Variants in ATP9A observed in about 807,000 individuals in gnomAD.
The protein encoded by ATP9A is ATPase phospholipid transporting 9A.
Under a neutral mutation model 144.1 loss-of-function variants are expected in ATP9A, and 52 were observed. The ratio of observed to expected loss-of-function variants is 0.36; its 90% CI spans 0.29 to 0.45. The LOEUF is 0.45. Ranked by LOEUF, ATP9A falls within the 20% of genes least tolerant of loss-of-function variation. ATP9A has a pLI of 1.00. For synonymous variants in ATP9A, 582 were observed against 557.4 expected, an observed-to-expected ratio of 1.04 and a Z score of -0.62; for missense variants, 947 against 1,392.7, an observed-to-expected ratio of 0.68 and a Z score of 5.09.
chr20:51,643,554 C>T (rs956747857), intron 14 of ATP9A, among the ~76,000 whole-genome samples: 1 of 152,092 alleles, frequency 6.6e-6, no homozygotes. Flanking sequence ...GCTCCTTCTG[C>T]TGCGAGAGAC....
At chr20:51,675,007 T>G (rs1420769935) in intron 10 of ATP9A, among the ~76,000 whole-genome samples, 3 of 152,146 alleles carry the variant, frequency 2.0e-5, no homozygotes, top group Non-Finnish European at 4.4e-5. Flanking sequence ...AGACGGAGTT[T>G]CGCCATGTTG....
chr20:51,604,158 A>T (rs538976649), intron 27 of ATP9A, among the ~76,000 whole-genome samples: 1 of 150,850 alleles, frequency 6.6e-6, no homozygotes, highest in African/African-American at 2.4e-5. Flanking sequence ...CTTTGATCAC[A>T]TCTGATATTC....
chr20:51,632,841 A>G (rs2077274985), intron 15 of ATP9A, among the ~76,000 whole-genome samples: 1 of 152,182 alleles, frequency 6.6e-6, no homozygotes. Context: ...CCAAGAAAAA[A>G]GCGAGGCGCA....
chr20:51,624,030 G>A (rs922807343), intron 18 of ATP9A, among the ~76,000 whole-genome samples: 1 of 152,144 alleles, frequency 6.6e-6, no homozygotes, highest in Admixed American at 6.6e-5. Context: ...GCAGAAAATG[G>A]AAACTCCAGA....
chr20:51,716,717 TTAAAA>T (rs978596601), intron 3 of ATP9A, among the ~76,000 whole-genome samples: 3 of 152,156 alleles, frequency 2.0e-5, no homozygotes, highest in Non-Finnish European at 4.4e-5. Context: ...AATTTAAAAA[TTAAAA>T]TCAGAATGTT....
Position 51,625,270 on chromosome 20 carries a change from C to T in ATP9A, c.1938G>A (p.Leu646=). 6.2e-7 allele frequency: 1 copy of T among 1,614,244 alleles called. No individual in the cohort carries two copies. Among genetic ancestry groups the T allele is most frequent in the Non-Finnish European group, 8.5e-7 (1 of 1,180,036 alleles). The change falls in exon 18 of 28, where the codon CTG becomes CTA. Residue 646 remains leucine, a synonymous_variant. Transcript: ENST00000338821. ...IESLEMEMEL[L]CLTGVEDQLQ... is the part of the protein sequence containing the mutation. ...GCTGGTCCTCCACGCCCGTCAGGCACAGCAGTTCCATCTCCATCTCCAGGC... is the reference window on the plus strand; with the variant it reads ...GCTGGTCCTCCACGCCCGTCAGGCATAGCAGTTCCATCTCCATCTCCAGGC...
At chr20:51,686,363 A>AT (rs1407246748) in intron 9 of ATP9A, among the ~76,000 whole-genome samples, 15 of 97,452 alleles carry the variant, frequency 1.5e-4, no homozygotes, top group Non-Finnish European at 2.6e-4. Context: ...TTAAAGTATA[A>AT]TTAAAAAAAA....
At chr20:51,685,725 G>T (rs115807852) in intron 9 of ATP9A, among the ~76,000 whole-genome samples, 1 of 152,162 alleles carries the variant, frequency 6.6e-6, no homozygotes, top group Non-Finnish European at 1.5e-5. Flanking sequence ...AGCAGGTGAC[G>T]GAGAGGATGT....
chr20:51,677,624 G>A (rs923171163), intron 9 of ATP9A, among the ~76,000 whole-genome samples: 4 of 152,256 alleles, frequency 2.6e-5, no homozygotes, highest in Admixed American at 6.5e-5. Context: ...GGAAACAGAT[G>A]CTTCTTTTTA....
At chr20:51,743,545 G>A (rs898201369) in intron 1 of ATP9A, among the ~76,000 whole-genome samples, 3 of 150,474 alleles carry the variant, frequency 2.0e-5, no homozygotes, top group East Asian at 2.0e-4. Flanking sequence ...GATTACAGGC[G>A]TGCACCACCA....
chr20:51,638,982 G>A (rs1184887124), intron 15 of ATP9A, among the ~76,000 whole-genome samples: 1 of 152,004 alleles, frequency 6.6e-6, no homozygotes, highest in Non-Finnish European at 1.5e-5. Flanking sequence ...ACTGTGAATG[G>A]ACTAAATGCC....
At chr20:51,647,778 C>T (rs889287727) in intron 14 of ATP9A, among the ~76,000 whole-genome samples, 2 of 152,092 alleles carry the variant, frequency 1.3e-5, no homozygotes, top group African/African-American at 4.8e-5. Flanking sequence ...TAACTCTATT[C>T]TGAGCCAACA....
chr20:51,761,653 G>A (rs890915605), intron 1 of ATP9A, among the ~76,000 whole-genome samples: 6 of 151,870 alleles, frequency 4.0e-5, no homozygotes, highest in African/African-American at 7.3e-5. Context: ...CCAGCTACTC[G>A]GGAGGCTGAG....
At chr20:51,715,876 T>C (rs997320568) in intron 3 of ATP9A, among the ~76,000 whole-genome samples, 1 of 152,332 alleles carries the variant, frequency 6.6e-6, no homozygotes, top group African/African-American at 2.4e-5. Context: ...CTGTTGGAGC[T>C]GGTGAAGAAT....
chr20:51,618,214 G>A (rs2077211317), intron 21 of ATP9A, among the ~76,000 whole-genome samples: 1 of 145,230 alleles, frequency 6.9e-6, no homozygotes, highest in Non-Finnish European at 1.5e-5. Flanking sequence ...GTGTGACTCC[G>A]TCTTAAAAAA....
rs1315031518 is a variant in ATP9A at position 51,699,356 on chromosome 20, AACTTAAAG to A, written c.437-1882_437-1875del. 9.0e-5 allele frequency among the ~76,000 whole-genome samples: 13 copies of A among 144,960 alleles called. No individual in the cohort carries two copies. The South Asian group carries it at 1.5e-3, about 17-fold the overall frequency. On this transcript the variant is annotated intron_variant, in intron 4 of 27. Coordinates refer to ENST00000338821, the MANE Select transcript of ATP9A (RefSeq NM_006045.3). ...CTCAAAAAAAAAAAAAAAAAAAAAG[AACTTAAAG>A]ACTTAAAGACACGAAATAATATAAG...
rs62226696 is a variant in ATP9A at position 51,723,847 on chromosome 20, G to A, written c.327+1972C>T. 9.4e-3 allele frequency among the ~76,000 whole-genome samples: 1,438 copies of A among 152,172 alleles called. 10 individuals are homozygous for A. Among genetic ancestry groups the A allele is most frequent in the Admixed American group, 0.018 (278 of 15,274 alleles). On this transcript the variant is annotated intron_variant, in intron 3 of 27. Coordinates refer to ENST00000338821, the MANE Select transcript of ATP9A (RefSeq NM_006045.3). ...TGGAATTACAGGTGTGAGCCACCGT[G>A]CCCGGCCTAAAAGCAAATTCTTTAA... is the stretch of plus-strand genomic sequence containing the variant.
chr20:51,723,650 G>A (rs1245212950), intron 3 of ATP9A, among the ~76,000 whole-genome samples: 2 of 144,110 alleles, frequency 1.4e-5, no homozygotes, highest in African/African-American at 5.1e-5. Context: ...TCCGCCTCCC[G>A]GATTCAAGCG....
intron 19 of ATP9A, among the ~76,000 whole-genome samples, chr20:51,621,147 C>CCAAAA (rs2077225348): frequency 9.8e-6 from 1 of 102,556 alleles, no homozygotes; most frequent in African/African-American, 3.7e-5. Flanking sequence ...GGCCCCATCT[C>CCAAAA]AAAAAAAAAA....
Sources: allele counts gnomAD v4.1 joint callset (sites outside exome capture counted in the v4.1 genomes callset), GRCh38; gene constraint gnomAD v4.1.1; transcripts MANE v1.5; gene names NCBI Gene and HGNC (gene_info 2026-07-23, HGNC 2026-07-21).